Variants in STK11 observed in about 807,000 individuals in gnomAD.
STK11 encodes serine/threonine kinase 11.
A neutral mutation model predicts 47.3 loss-of-function variants in STK11; 8 were observed. The ratio of observed to expected loss-of-function variants is 0.17; its 90% CI spans 0.10 to 0.31. The LOEUF (loss-of-function observed/expected upper bound fraction) is 0.31. STK11 is among the 10% of genes least tolerant of loss of function. The pLI is 1.00. For missense variants in STK11, 475 were observed against 605.0 expected (o/e 0.79, Z 2.25); for synonymous variants, 330 against 255.8 (o/e 1.29, Z -2.77).
chr19:1,226,030 G>T, intron 8 of STK11: 3 of 1,016,658 alleles, frequency 3.0e-6, no homozygotes, highest in Non-Finnish European at 3.5e-6. Context: ...CCTGGCCCGA[G>T]CCTGGCCCTC....
rs187649480 is a variant in STK11 at position 1,206,352 on chromosome 19, G to C, written c.-562G>C. 163 of 231,292 alleles carry C rather than the reference G, an allele frequency of 7.0e-4. 2 individuals carry two copies. The East Asian group carries it at 9.8e-3, about 14-fold the overall frequency. The allele number at this position is 231,292 out of a possible 1,614,324, so 14.3% of individuals were successfully genotyped here. ...GAGGTCCGCTCGGTCGTCCGCGGCGGAGCGTTTGCTCCTGGGACAGGCGGT... is the reference window on the plus strand; with the variant it reads ...GAGGTCCGCTCGGTCGTCCGCGGCGCAGCGTTTGCTCCTGGGACAGGCGGT... On this transcript the variant is annotated 5_prime_UTR_variant, in exon 1 of 10. Transcript: ENST00000326873.
At position 1,220,554 on chromosome 19, in the gene STK11, C is replaced by G. The variant is rs1337105401; in HGVS notation, c.598-27C>G. On this transcript the variant is annotated intron_variant, in intron 4 of 9. Transcript: ENST00000326873. ...CTGGGGCGCCCCCTCCCGGGCACTC[C>G]CTGAGGGCTGCACGGCACCGCCACA... 4 of 1,576,774 alleles carry G rather than the reference C, an allele frequency of 2.5e-6. No individual in the cohort carries two copies. The South Asian group carries it at 4.6e-5, about 18-fold the overall frequency.
chr19:1,213,367 C>T (rs1468036849), intron 1 of STK11, among the ~76,000 whole-genome samples: 1 of 152,184 alleles, frequency 6.6e-6, no homozygotes, highest in Non-Finnish European at 1.5e-5. Context: ...ACTATCACCT[C>T]TATCAGCTTC....
At chr19:1,220,768 C>T (rs2145425781) in intron 5 of STK11, 51 bp downstream of exon 5, 1 of 1,554,960 alleles carries the variant, frequency 6.4e-7, no homozygotes, top group Non-Finnish European at 8.7e-7. Flanking sequence ...TCCGAGGGGC[C>T]TCTGCGTCTT....
chr19:1,221,640 G>A, intron 6 of STK11: 1 of 587,040 alleles, frequency 1.7e-6, no homozygotes, highest in Non-Finnish European at 3.0e-6. Context: ...GGGTTGTCCT[G>A]CTGCACTTCC....
At position 1,223,069 on chromosome 19, in the gene STK11, G is replaced by T. The variant is rs1555739243; in HGVS notation, c.1005G>T (p.Met335Ile). Residue 335 changes from methionine (M) to isoleucine (I), a missense_variant, in exon 8 of 10, where the codon ATG becomes ATT. Coordinates refer to ENST00000326873, the MANE Select transcript of STK11 (RefSeq NM_000455.5). ...ACACCAAGGACCGGTGGCGCAGCATGACTGTGGTGCCGTACTTGGAGGACC... is the reference window on the plus strand; with the variant it reads ...ACACCAAGGACCGGTGGCGCAGCATTACTGTGGTGCCGTACTTGGAGGACC... ...SPDTKDRWRSMTVVPYLEDLH... is the reference protein window; with the variant it reads ...SPDTKDRWRSITVVPYLEDLH... 1 of 1,607,898 alleles carries T rather than the reference G, an allele frequency of 6.2e-7. No individual in the cohort carries two copies. The highest frequency in any genetic ancestry group is 2.2e-5 in the East Asian group (1 of 44,688).
At position 1,227,872 on chromosome 19, in the gene STK11, GT is replaced by G; in HGVS notation, c.*297del. The G allele has an allele frequency of 3.7e-6, 4 of 1,069,600 alleles. No individual in the cohort carries two copies. In the South Asian group the frequency reaches 1.8e-4, roughly 49 times the overall value. The allele number at this position is 1,069,600 out of a possible 1,614,324, so 66.3% of individuals were successfully genotyped here. On this transcript the variant is annotated 3_prime_UTR_variant, in exon 10 of 10. Coordinates refer to ENST00000326873, the MANE Select transcript of STK11 (RefSeq NM_000455.5). ...GGGAGGCGGCCTCCATGCACTTTATGTGGAGACTACTGGCCCCGCCCGTGGC... is the reference window on the plus strand; with the variant it reads ...GGGAGGCGGCCTCCATGCACTTTATGGGAGACTACTGGCCCCGCCCGTGGC...
chr19:1,223,781 G>A (rs2080802522), intron 8 of STK11: 7 of 1,036,728 alleles, frequency 6.8e-6, no homozygotes, highest in East Asian at 5.8e-5. Context: ...GCGTAGGGGC[G>A]GCCCACATTG....
In STK11 at chr19:1,226,629, G is replaced by C. The variant is rs369097329; in HGVS notation, c.1284G>C (p.Ser428=). 15 of 1,542,340 alleles carry C rather than the reference G, an allele frequency of 9.7e-6. No homozygotes were observed. In the East Asian group the frequency reaches 1.7e-4, roughly 18 times the overall value. Residue 428 remains serine (S), a synonymous_variant, in exon 9 of 10, where the codon TCG becomes TCC. Transcript: ENST00000326873. ...CSASSKIRRL[S]ACKQQ ...CCAGCAGCAAGATCCGCCGGCTGTCGGCCTGCAAGCAGCAGTGAGGCTGGC... is the reference window on the plus strand; with the variant it reads ...CCAGCAGCAAGATCCGCCGGCTGTCCGCCTGCAAGCAGCAGTGAGGCTGGC...
In STK11 at chr19:1,224,616, C is replaced by T. The variant is rs2080808268; in HGVS notation, c.1108+1444C>T. 3 of 985,568 alleles carry T rather than the reference C, an allele frequency of 3.0e-6. No homozygotes were observed. The African/African-American group carries it at 5.2e-5, about 17-fold the overall frequency. The allele number at this position is 985,568 out of a possible 1,614,324, so 61.1% of individuals were successfully genotyped here. On this transcript the variant is annotated intron_variant, in intron 8 of 9. Transcript: ENST00000326873. ...ACGGCCGCCCCTGCAGGCCAGGATC[C>T]CTGAGCCAGGACCCGGCACTGGCTT...
intron 3 of STK11, 83 bp from the exon 4 acceptor site, chr19:1,220,290 G>A: frequency 1.3e-6 from 2 of 1,514,244 alleles, no homozygotes; most frequent in Non-Finnish European, 1.8e-6. Context: ...GTGGTGTTTG[G>A]GAGGCTCCCA....
chr19:1,208,142 G>T (rs1480170752), intron 1 of STK11, among the ~76,000 whole-genome samples: 4 of 152,028 alleles, frequency 2.6e-5, no homozygotes, highest in East Asian at 1.9e-4. Context: ...GGCCTCGAGG[G>T]ACTGGCAAGG....
chr19:1,217,953 G>T (rs2080755232), intron 1 of STK11, among the ~76,000 whole-genome samples: 1 of 152,138 alleles, frequency 6.6e-6, no homozygotes, highest in African/African-American at 2.4e-5. Context: ...GACCATCCTG[G>T]CCAACATGGT....
At position 1,227,606 on chromosome 19, in the gene STK11, G is replaced by A; in HGVS notation, c.*30G>A. ...TCCACCCTGCAGCCCGTGTCCAGGAGCCCCGCCAGGTGCCCGCGCCAGGCC... is the reference window on the plus strand; with the variant it reads ...TCCACCCTGCAGCCCGTGTCCAGGAACCCCGCCAGGTGCCCGCGCCAGGCC... On this transcript the variant is annotated 3_prime_UTR_variant, in exon 10 of 10. Coordinates refer to ENST00000326873, the MANE Select transcript of STK11 (RefSeq NM_000455.5). The A allele has an allele frequency of 9.4e-7, 1 of 1,065,064 alleles. No individual in the cohort carries two copies. Among genetic ancestry groups the A allele is most frequent in the African/African-American group, 1.6e-5 (1 of 61,026 alleles). 66.0% of individuals were successfully genotyped at this position (1,065,064 alleles called of 1,614,324 possible).
chr19:1,214,359 A>G (rs1301974333), intron 1 of STK11, among the ~76,000 whole-genome samples: 1 of 152,148 alleles, frequency 6.6e-6, no homozygotes, highest in Non-Finnish European at 1.5e-5. Flanking sequence ...CAGACAACCC[A>G]GTGTCCCTTG....
intron 7 of STK11, 35 bp downstream of exon 7, chr19:1,222,041 G>T (rs1454822523): frequency 6.4e-7 from 1 of 1,553,838 alleles, no homozygotes; most frequent in African/African-American, 1.4e-5. Context: ...GGCCGAGGCT[G>T]CAGGGAGGCC....
At chr19:1,226,951 C>T (rs1266137300) in intron 9 of STK11, 2 of 425,582 alleles carry the variant, frequency 4.7e-6, no homozygotes, top group South Asian at 6.7e-5. Flanking sequence ...TTCCGAGGAC[C>T]CTGCCCTGGG....
chr19:1,224,282 AC>A lies in STK11; in HGVS notation c.1108+1111del, dbSNP rs900057995. ...CAGCGTGTGTGGGGCCCCCAGGATCACAGGGTCTCAGCTCCTGGGCTCTTGG... is the reference window on the plus strand; with the variant it reads ...CAGCGTGTGTGGGGCCCCCAGGATCAAGGGTCTCAGCTCCTGGGCTCTTGG... On this transcript the variant is annotated intron_variant, in intron 8 of 9. Transcript: ENST00000326873. 4 of 985,232 alleles carry A rather than the reference AC, an allele frequency of 4.1e-6. No individual in the cohort carries two copies. The African/African-American group carries it at 7.0e-5, about 17-fold the overall frequency. 61.0% of individuals were successfully genotyped at this position (985,232 alleles called of 1,614,324 possible).
At position 1,221,970 on chromosome 19, in the gene STK11, C is replaced by T. The variant is rs866664820; in HGVS notation, c.884C>T (p.Ala295Val). 6.4e-7 allele frequency: 1 copy of T among 1,565,872 alleles called. No homozygotes were observed. Among genetic ancestry groups the T allele is most frequent in the Non-Finnish European group, 8.6e-7 (1 of 1,156,094 alleles). Residue 295 changes from alanine (A) to valine (V), a missense_variant, in exon 7 of 10, where the codon GCC becomes GTC. Coordinates refer to ENST00000326873, the MANE Select transcript of STK11 (RefSeq NM_000455.5). The part of the protein sequence containing the change: ...LLKGMLEYEP[A>V]KRFSIRQIRQ... ...TCAGGGATGCTTGAGTACGAACCGGCCAAGAGGTTCTCCATCCGGCAGATC... is the reference window on the plus strand; with the variant it reads ...TCAGGGATGCTTGAGTACGAACCGGTCAAGAGGTTCTCCATCCGGCAGATC...
Sources: gnomAD v4.1 joint callset for allele counts (sites outside exome capture counted in the v4.1 genomes callset) on GRCh38, gnomAD v4.1.1 for gene constraint, MANE v1.5 for transcripts, NCBI Gene and HGNC (gene_info 2026-07-23, HGNC 2026-07-21) for gene names.